CSNK1G1: variants seen among roughly 807,000 people sequenced by gnomAD.
The protein encoded by CSNK1G1 is casein kinase 1 gamma 1, also known as casein kinase I isoform gamma-1.
Under a neutral mutation model 59.6 loss-of-function variants are expected in CSNK1G1, and 22 were observed. That is an observed-to-expected ratio of 0.37 (90% CI 0.26 to 0.53). The LOEUF (loss-of-function observed/expected upper bound fraction) is 0.53. Among genes scored for constraint, CSNK1G1 ranks in the 20% least tolerant of loss-of-function variants. The probability of loss-of-function intolerance (pLI) is 0.89; values close to 1 mark genes in which losing one functional copy is unlikely to be tolerated. For synonymous variants in CSNK1G1, 179 were observed against 177.1 expected, an observed-to-expected ratio of 1.01 and a Z score of -0.08; for missense variants, 384 against 519.5, an observed-to-expected ratio of 0.74 and a Z score of 2.54.
chr15:64,287,765 T>C (rs1765682804), intron 2 of CSNK1G1, among the ~76,000 whole-genome samples: 1 of 152,190 alleles, frequency 6.6e-6, no homozygotes, highest in Non-Finnish European at 1.5e-5. Context: ...CACATTTCTA[T>C]ATGTTACCAG....
At chr15:64,265,689 A>G (rs1892938002) in intron 2 of CSNK1G1, 1 of 367,348 alleles carries the variant, frequency 2.7e-6, no homozygotes, top group African/African-American at 2.2e-5. Context: ...CTAGGAATAA[A>G]TTCAACCAAA....
chr15:64,290,497 C>T (rs1894678206), intron 2 of CSNK1G1, among the ~76,000 whole-genome samples: 1 of 152,074 alleles, frequency 6.6e-6, no homozygotes, highest in African/African-American at 2.4e-5. Flanking sequence ...TCAAAAAATG[C>T]ATGCTTTCAC....
At chr15:64,346,025 G>A (rs1019737578) in intron 1 of CSNK1G1, among the ~76,000 whole-genome samples, 1 of 137,086 alleles carries the variant, frequency 7.3e-6, no homozygotes, top group Admixed American at 7.9e-5. Context: ...TTCTGACCTC[G>A]TGATCTGCCC....
rs747285758 is a variant in CSNK1G1, at chr15:64,251,516, A to G, written c.288T>C (p.Ser96=). Residue 96 remains serine (S), a synonymous_variant, in exon 4 of 12, where the codon AGT becomes AGC. Transcript: ENST00000303052. ...LEYRFYKQLG[S]AGEGLPQVYY... Reference sequence around the variant, plus strand: ...GAGAGAAAAGACTTGACTTACCTGCACTGCCAAGCTGTTTATAAAATCTGT... The same window carrying G: ...GAGAGAAAAGACTTGACTTACCTGCGCTGCCAAGCTGTTTATAAAATCTGT... 2.5e-6 allele frequency: 4 copies of G among 1,608,004 alleles called. No homozygotes were observed. In the Admixed American group the frequency reaches 5.0e-5, roughly 20 times the overall value.
chr15:64,234,935 T>C (rs1437639586), intron 4 of CSNK1G1, among the ~76,000 whole-genome samples: 2 of 152,088 alleles, frequency 1.3e-5, no homozygotes, highest in African/African-American at 4.8e-5. Context: ...AGGGCTTAAA[T>C]TGAGGAGAAG....
At chr15:64,178,488 T>C (rs922565275) in intron 11 of CSNK1G1, among the ~76,000 whole-genome samples, 1 of 147,126 alleles carries the variant, frequency 6.8e-6, no homozygotes, top group Non-Finnish European at 1.5e-5. Flanking sequence ...TTTTCTTTTT[T>C]TTTTTTTTTT....
At chr15:64,345,934 G>A (rs1331626477) in intron 1 of CSNK1G1, among the ~76,000 whole-genome samples, 1 of 152,066 alleles carries the variant, frequency 6.6e-6, no homozygotes, top group Non-Finnish European at 1.5e-5. Flanking sequence ...AGGACTACAG[G>A]CATGCGCCAC....
intron 10 of CSNK1G1, among the ~76,000 whole-genome samples, chr15:64,201,215 T>C (rs764786777): frequency 3.6e-5 from 5 of 137,138 alleles, no homozygotes; most frequent in Admixed American, 8.2e-5. Flanking sequence ...GAGGTTGAGG[T>C]AATCTGAGAT....
At chr15:64,296,309 C>G (rs530260663) in intron 2 of CSNK1G1, among the ~76,000 whole-genome samples, 2 of 151,994 alleles carry the variant, frequency 1.3e-5, no homozygotes, top group Admixed American at 1.3e-4. Flanking sequence ...TTTGTAGAGA[C>G]GAGGTTTTGC....
intron 2 of CSNK1G1, among the ~76,000 whole-genome samples, chr15:64,274,878 A>G (rs951510212): frequency 6.6e-6 from 1 of 152,236 alleles, no homozygotes; most frequent in Non-Finnish European, 1.5e-5. Context: ...CAGTGAAAAT[A>G]GTACATGTAT....
intron 4 of CSNK1G1, among the ~76,000 whole-genome samples, chr15:64,217,902 T>C (rs1486758794): frequency 1.3e-5 from 2 of 152,072 alleles, no homozygotes; most frequent in East Asian, 1.9e-4. Context: ...TATTTATGTA[T>C]ATAGTGGTCT....
intron 1 of CSNK1G1, among the ~76,000 whole-genome samples, chr15:64,316,202 AAAACAAAC>A (rs60125774): frequency 0.053 from 7,943 of 149,686 alleles, 296 homozygotes; most frequent in African/African-American, 0.099. Flanking sequence ...TTTGCTTTTT[AAAACAAAC>A]AAACAAACAA....
chr15:64,284,490 T>A (rs1299077037), intron 2 of CSNK1G1, among the ~76,000 whole-genome samples: 1 of 152,194 alleles, frequency 6.6e-6, no homozygotes, highest in Non-Finnish European at 1.5e-5. Context: ...AAATTCCCTA[T>A]GACAATACTT....
At chr15:64,198,951 A>T (rs1056031586) in intron 10 of CSNK1G1, among the ~76,000 whole-genome samples, 1 of 151,758 alleles carries the variant, frequency 6.6e-6, no homozygotes, top group Non-Finnish European at 1.5e-5. Context: ...GATACTAAAA[A>T]CTCTAAAATT....
intron 10 of CSNK1G1, among the ~76,000 whole-genome samples, chr15:64,187,345 C>T (rs1403021083): frequency 5.9e-5 from 9 of 151,270 alleles, no homozygotes; most frequent in Admixed American, 5.3e-4. Context: ...GTATGCGCCA[C>T]CGGGCCTGGC....
chr15:64,236,903 G>A (rs1161598375), intron 4 of CSNK1G1, among the ~76,000 whole-genome samples: 1 of 152,126 alleles, frequency 6.6e-6, no homozygotes, highest in Admixed American at 6.5e-5. Context: ...GTCCATCAAT[G>A]GATGAATCAA....
At position 64,168,905 on chromosome 15, in the gene CSNK1G1, G is replaced by A. The variant is rs1273009395; in HGVS notation, c.*3026C>T. ...ACTTTGAAGTGCCAATGGCTCTGGA[G>A]GGATCACCATTACTCTGCATGCTAA... On this transcript the variant is annotated 3_prime_UTR_variant, in exon 12 of 12. Coordinates refer to ENST00000303052, the MANE Select transcript of CSNK1G1 (RefSeq NM_022048.5). The A allele has an allele frequency of 1.3e-5, 2 of 152,440 alleles. No individual in the cohort carries two copies. The highest frequency in any genetic ancestry group is 4.8e-5 in the African/African-American group (2 of 41,432). The allele number at this position is 152,440 out of a possible 1,614,324, so 9.4% of individuals were successfully genotyped here.
intron 2 of CSNK1G1, among the ~76,000 whole-genome samples, chr15:64,275,837 A>G (rs1596201173): frequency 6.6e-6 from 1 of 152,214 alleles, no homozygotes; most frequent in Non-Finnish European, 1.5e-5. Context: ...ATATACACAG[A>G]TATTAACTAT....
At chr15:64,345,842 A>G (rs1897930256) in intron 1 of CSNK1G1, among the ~76,000 whole-genome samples, 1 of 152,112 alleles carries the variant, frequency 6.6e-6, no homozygotes, top group African/African-American at 2.4e-5. Flanking sequence ...GCTAGGCTGG[A>G]GTGCAGTGGC....
Sources: allele counts gnomAD v4.1 joint callset (sites outside exome capture counted in the v4.1 genomes callset), GRCh38; gene constraint gnomAD v4.1.1; transcripts MANE v1.5; gene names NCBI Gene and HGNC (gene_info 2026-07-23, HGNC 2026-07-21).